The following NINL variants were observed in gnomAD, a reference collection of about 807,000 sequenced individuals.
The protein encoded by NINL is ninein like, also known as ninein-like protein.
In NINL, 153 loss-of-function variants were observed where a neutral mutation model predicts 160.3. The observed-to-expected ratio is 0.95, with a 90% confidence interval of 0.84 to 1.09. NINL has a LOEUF of 1.09. NINL is among the 50% of genes least tolerant of loss of function. NINL has a pLI of 0.00. For missense variants in NINL, 1,829 were observed against 1,764.0 expected (o/e 1.04, Z -0.66); for synonymous variants, 800 against 734.8 (o/e 1.09, Z -1.43).
intron 1 of NINL, among the ~76,000 whole-genome samples, chr20:25,558,945 C>A (rs1272808856): frequency 6.6e-6 from 1 of 152,224 alleles, no homozygotes; most frequent in Non-Finnish European, 1.5e-5. Context: ...CACGCTTGCA[C>A]CTTCTGCTTT....
intron 19 of NINL, among the ~76,000 whole-genome samples, chr20:25,464,273 C>T (rs1389027866): frequency 6.6e-6 from 1 of 152,044 alleles, no homozygotes; most frequent in Non-Finnish European, 1.5e-5. Context: ...AAAAATTAGC[C>T]GGGCTTGGTG....
intron 5 of NINL, among the ~76,000 whole-genome samples, chr20:25,509,465 T>G (rs756986799): frequency 6.6e-6 from 1 of 152,238 alleles, no homozygotes; most frequent in Non-Finnish European, 1.5e-5. Flanking sequence ...AAGCTTGTGC[T>G]GTGATTGTAA....
At chr20:25,481,460 T>C (rs1222719839) in intron 14 of NINL, among the ~76,000 whole-genome samples, 1 of 152,120 alleles carries the variant, frequency 6.6e-6, no homozygotes, top group Non-Finnish European at 1.5e-5. Context: ...GAGCTTGTCC[T>C]AATCCCATTG....
At chr20:25,492,547 G>C (rs142461148) in intron 10 of NINL, among the ~76,000 whole-genome samples, 1,663 of 152,106 alleles carry the variant, frequency 0.011, 21 homozygotes, top group Non-Finnish European at 0.019. Flanking sequence ...TGCCTCCCAG[G>C]TTCACACCAT....
rs1371136323 is a variant in NINL, at chr20:25,526,541, T to C, written c.47A>G (p.Tyr16Cys). Residue 16 changes from tyrosine (Y) to cysteine (C), a missense_variant, in exon 2 of 24, where the codon TAC (tyrosine) becomes TGC (cysteine). Coordinates refer to ENST00000278886, the MANE Select transcript of NINL (RefSeq NM_025176.6). ...NHYVSQLREVYSSCDTTGTGF... is the reference protein window; with the variant it reads ...NHYVSQLREVCSSCDTTGTGF... ...AGTCCCCGTGGTGTCGCAGCTGCTG[T>C]AGACTTCCCTGAGCTGCGAGACATA... is the stretch of plus-strand genomic sequence containing the variant. The C allele has an allele frequency of 6.2e-7, 1 of 1,614,106 alleles. No homozygotes were observed. The highest frequency in any genetic ancestry group is 1.3e-5 in the African/African-American group (1 of 74,942).
At chr20:25,542,085 G>A (rs569716778) in intron 1 of NINL, among the ~76,000 whole-genome samples, 1 of 152,336 alleles carries the variant, frequency 6.6e-6, no homozygotes, top group African/African-American at 2.4e-5. Flanking sequence ...CACTCCTGGG[G>A]TGTCTGGCTG....
intron 3 of NINL, 41 bp from the exon 4 acceptor site, chr20:25,513,047 C>A (rs766529052): frequency 1.3e-6 from 2 of 1,570,996 alleles, no homozygotes; most frequent in South Asian, 1.2e-5. Flanking sequence ...TCCTTTATAG[C>A]AGTTCTGGGC....
chr20:25,472,534 TTTC>T (rs1346192087), intron 17 of NINL, among the ~76,000 whole-genome samples: 25 of 148,264 alleles, frequency 1.7e-4, no homozygotes, highest in African/African-American at 6.0e-4. Context: ...AGGGAAAATA[TTTC>T]TTTTTTTTTT....
rs1394950076 is a variant in NINL at position 25,455,747 on chromosome 20, C to T, written c.3883G>A (p.Val1295Met). Residue 1295 changes from valine (V) to methionine (M), a missense_variant, in exon 23 of 24, where the codon GTG becomes ATG. Coordinates refer to ENST00000278886, the MANE Select transcript of NINL (RefSeq NM_025176.6). ...EKQLKATEER[V>M]EEAEMILKNM... is the part of the protein sequence containing the mutation. ...TTCAGAATCATCTCCGCCTCTTCCA[C>T]CCGCTCTTCTGTGGCTTTCAGCTGT... 5.0e-6 allele frequency: 8 copies of T among 1,614,182 alleles called. No individual in the cohort carries two copies. The highest frequency in any genetic ancestry group is 1.1e-5 in the South Asian group (1 of 91,076).
intron 17 of NINL, among the ~76,000 whole-genome samples, chr20:25,473,160 T>G (rs372181810): frequency 1.7e-4 from 26 of 152,210 alleles, no homozygotes; most frequent in African/African-American, 6.0e-4. Context: ...ACAAGCAAAC[T>G]GAATCTATGC....
At chr20:25,489,590 C>T (rs573806702) in intron 12 of NINL, among the ~76,000 whole-genome samples, 1 of 152,234 alleles carries the variant, frequency 6.6e-6, no homozygotes, top group East Asian at 1.9e-4. Context: ...TCTCCCCATC[C>T]TCCTCCCTAG....
At chr20:25,567,586 G>C (rs1037123105) in intron 1 of NINL, among the ~76,000 whole-genome samples, 3 of 151,624 alleles carry the variant, frequency 2.0e-5, no homozygotes, top group Non-Finnish European at 4.4e-5. Flanking sequence ...CCTGAAAGAA[G>C]CCAGAAGAAA....
intron 19 of NINL, among the ~76,000 whole-genome samples, chr20:25,462,964 C>T (rs552422554): frequency 6.6e-6 from 1 of 152,268 alleles, no homozygotes; most frequent in South Asian, 2.1e-4. Context: ...CCCACCTTGC[C>T]CCCTAAAATA....
chr20:25,557,741 A>AATTG lies in NINL; in HGVS notation c.-12+27710_-12+27713dup, dbSNP rs547131400. On this transcript the variant is annotated intron_variant, in intron 1 of 23. Transcript: ENST00000278886. ...GATATTTAAACTCTAACTTCTTGAC[A>AATTG]ATTGATAGAACTAGATATATAAAAA... Among the ~76,000 whole-genome samples, 700 of 152,316 alleles carry AATTG rather than the reference A, an allele frequency of 4.6e-3. 1 individual carries two copies. Among genetic ancestry groups the AATTG allele is most frequent in the Non-Finnish European group, 6.6e-3 (451 of 68,026 alleles).
In NINL at chr20:25,491,557, T is replaced by C. The variant is rs1488902369; in HGVS notation, c.1311-32A>G. 13 of 1,602,834 alleles carry C rather than the reference T, an allele frequency of 8.1e-6. No individual in the cohort carries two copies. In the South Asian group the frequency reaches 1.0e-4, roughly 12 times the overall value. On this transcript the variant is annotated intron_variant, in intron 10 of 23. Coordinates refer to ENST00000278886, the MANE Select transcript of NINL (RefSeq NM_025176.6). ...CATGTCACACATCACACGTCAGACA[T>C]GTCATGTCAGGGCTGCCCAGGCCCA... is the stretch of plus-strand genomic sequence containing the variant.
chr20:25,570,201 A>G (rs1251737252), intron 1 of NINL, among the ~76,000 whole-genome samples: 1 of 152,106 alleles, frequency 6.6e-6, no homozygotes, highest in Non-Finnish European at 1.5e-5. Flanking sequence ...AAAGCTAGAA[A>G]TTGCAGAGAA....
At chr20:25,539,921 A>G in intron 1 of NINL, 1 of 596,588 alleles carries the variant, frequency 1.7e-6, no homozygotes, top group Non-Finnish European at 2.7e-6. Context: ...CAGCACTGCC[A>G]CTGCACACCC....
At chr20:25,535,558 G>T (rs116317825) in intron 1 of NINL, among the ~76,000 whole-genome samples, 1,846 of 152,160 alleles carry the variant, frequency 0.012, 30 homozygotes, top group African/African-American at 0.039. Flanking sequence ...AAACTGGGGT[G>T]GGGGAGAAGT....
At chr20:25,502,424 T>C (rs1016978310) in intron 7 of NINL, among the ~76,000 whole-genome samples, 2 of 152,182 alleles carry the variant, frequency 1.3e-5, no homozygotes, top group East Asian at 1.9e-4. Context: ...TGAGCAGCCA[T>C]GCCCTGGTCT....
Sources: allele counts gnomAD v4.1 joint callset (sites outside exome capture counted in the v4.1 genomes callset), GRCh38; gene constraint gnomAD v4.1.1; transcripts MANE v1.5; gene names NCBI Gene and HGNC (gene_info 2026-07-23, HGNC 2026-07-21).